Variants in PTPRM observed in about 807,000 individuals in gnomAD.
PTPRM encodes receptor-type tyrosine-protein phosphatase mu.
A neutral mutation model predicts 186.7 loss-of-function variants in PTPRM; 47 were observed. The observed-to-expected ratio is 0.25, with a 90% CI of 0.20 to 0.32. The LOEUF is 0.32. PTPRM is among the 10% of genes least tolerant of loss of function. PTPRM has a pLI of 1.00. For synonymous variants in PTPRM, 668 were observed against 674.9 expected, an observed-to-expected ratio of 0.99 and a Z score of 0.16; for missense variants, 1,494 against 1,865.0, an observed-to-expected ratio of 0.80 and a Z score of 3.66.
chr18:7,934,662 T>C (rs1021702434), intron 5 of PTPRM, among the ~76,000 whole-genome samples: 1 of 152,254 alleles, frequency 6.6e-6, no homozygotes, highest in Non-Finnish European at 1.5e-5. Context: ...CTAGTTACTC[T>C]GGTAGGTGAT....
At chr18:7,697,511 G>A (rs1366451750) in intron 1 of PTPRM, among the ~76,000 whole-genome samples, 3 of 152,282 alleles carry the variant, frequency 2.0e-5, no homozygotes, top group African/African-American at 7.2e-5. Flanking sequence ...CCAGTAGGGC[G>A]ATGAAAGAAC....
At chr18:8,398,519 A>G (rs1192315697) in intron 32 of PTPRM, among the ~76,000 whole-genome samples, 4 of 152,144 alleles carry the variant, frequency 2.6e-5, no homozygotes, top group Non-Finnish European at 4.4e-5. Context: ...TAATCCCAGC[A>G]CTTAGGGAGG....
intron 2 of PTPRM, among the ~76,000 whole-genome samples, chr18:7,824,141 T>C (rs1029666897): frequency 6.6e-5 from 10 of 152,226 alleles, no homozygotes; most frequent in African/African-American, 2.2e-4. Context: ...CCGGGCCTCA[T>C]TGTGGTCTCC....
Position 8,289,159 on chromosome 18 carries a change from A to C in PTPRM, c.2755-7209A>C, listed in dbSNP as rs28638275. ...CTGTGTGATTTCAGGGGAGCCACTC[A>C]ATGTCTTTCATACTAAATTTCCTTA... is the stretch of plus-strand genomic sequence containing the variant. On this transcript the variant is annotated intron_variant, in intron 19 of 32. Transcript: ENST00000580170. Among the ~76,000 whole-genome samples, 1,221 of 152,086 alleles carry C rather than the reference A, an allele frequency of 8.0e-3. 14 individuals are homozygous for C. Among genetic ancestry groups the C allele is most frequent in the African/African-American group, 0.028 (1,155 of 41,474 alleles).
intron 1 of PTPRM, among the ~76,000 whole-genome samples, chr18:7,721,050 C>G (rs755190430): frequency 3.9e-5 from 6 of 151,924 alleles, no homozygotes; most frequent in Non-Finnish European, 8.8e-5. Flanking sequence ...CTTCCATACT[C>G]TTTACCACAG....
intron 7 of PTPRM, among the ~76,000 whole-genome samples, chr18:8,036,006 G>T (rs1195314528): frequency 6.6e-6 from 1 of 152,102 alleles, no homozygotes; most frequent in African/African-American, 2.4e-5. Context: ...AGAATGAGGT[G>T]TCAAAATGGA....
intron 1 of PTPRM, among the ~76,000 whole-genome samples, chr18:7,722,035 CTGTT>C (rs2040455775): frequency 1.3e-5 from 2 of 152,176 alleles, no homozygotes; most frequent in African/African-American, 2.4e-5. Context: ...TTAGGATTCA[CTGTT>C]TGTATTGTAT....
At chr18:8,320,210 A>G (rs1292632514) in intron 22 of PTPRM, among the ~76,000 whole-genome samples, 2 of 152,210 alleles carry the variant, frequency 1.3e-5, no homozygotes, top group African/African-American at 4.8e-5. Context: ...GCATGGGGGC[A>G]GGGTGTACAC....
chr18:8,000,193 G>C (rs1008867743), intron 7 of PTPRM, among the ~76,000 whole-genome samples: 2 of 152,154 alleles, frequency 1.3e-5, no homozygotes, highest in Admixed American at 1.3e-4. Context: ...TTCTTCACCA[G>C]ATGTCTAGGC....
intron 1 of PTPRM, among the ~76,000 whole-genome samples, chr18:7,705,814 C>T (rs2040074915): frequency 1.3e-5 from 2 of 151,640 alleles, no homozygotes; most frequent in Admixed American, 6.6e-5. Flanking sequence ...CTGCCTCAGC[C>T]TCCTGAATAG....
At chr18:7,901,846 A>G (rs2049707190) in intron 3 of PTPRM, among the ~76,000 whole-genome samples, 1 of 152,206 alleles carries the variant, frequency 6.6e-6, no homozygotes, top group South Asian at 2.1e-4. Flanking sequence ...CTACTTTATA[A>G]TTGTGGTATG....
At chr18:8,080,702 G>A (rs1006410627) in intron 9 of PTPRM, among the ~76,000 whole-genome samples, 1 of 152,058 alleles carries the variant, frequency 6.6e-6, no homozygotes, top group East Asian at 1.9e-4. Flanking sequence ...AGAATTTAGG[G>A]GCCATGTTAA....
intron 1 of PTPRM, among the ~76,000 whole-genome samples, chr18:7,651,645 A>G (rs1043223105): frequency 6.6e-6 from 1 of 151,984 alleles, no homozygotes; most frequent in Non-Finnish European, 1.5e-5. Flanking sequence ...AAAACAAGCA[A>G]TGGGGAAAGG....
At chr18:8,398,679 A>C (rs1276462616) in intron 32 of PTPRM, among the ~76,000 whole-genome samples, 1 of 151,946 alleles carries the variant, frequency 6.6e-6, no homozygotes, top group Non-Finnish European at 1.5e-5. Context: ...CTGAGGCAGA[A>C]GAATCACTTG....
intron 2 of PTPRM, among the ~76,000 whole-genome samples, chr18:7,849,889 G>A (rs1205487658): frequency 2.6e-5 from 4 of 152,144 alleles, no homozygotes; most frequent in Admixed American, 2.0e-4. Context: ...TGCTACTTAC[G>A]TTGACATTTA....
intron 2 of PTPRM, among the ~76,000 whole-genome samples, chr18:7,835,939 T>A (rs868545831): frequency 1.3e-5 from 2 of 152,238 alleles, no homozygotes; most frequent in Middle Eastern, 3.4e-3. Context: ...AGTTTCTATG[T>A]GCCTGGAATA....
At chr18:7,775,441 T>G (rs2042533451) in intron 2 of PTPRM, among the ~76,000 whole-genome samples, 1 of 152,190 alleles carries the variant, frequency 6.6e-6, no homozygotes, top group Admixed American at 6.5e-5. Context: ...GCTTCTGTTC[T>G]TGTCAGCGAT....
chr18:7,643,632 G>T (rs989822454), intron 1 of PTPRM, among the ~76,000 whole-genome samples: 4 of 152,114 alleles, frequency 2.6e-5, no homozygotes, highest in African/African-American at 7.2e-5. Context: ...GAGCCACTGT[G>T]CCCAGCCCTC....
intron 1 of PTPRM, among the ~76,000 whole-genome samples, chr18:7,593,597 A>G (rs1319919964): frequency 6.6e-6 from 1 of 152,194 alleles, no homozygotes; most frequent in African/African-American, 2.4e-5. Context: ...CTCTCCATTA[A>G]TGTCAAATTG....
Sources: allele counts gnomAD v4.1 joint callset (sites outside exome capture counted in the v4.1 genomes callset), GRCh38; gene constraint gnomAD v4.1.1; transcripts MANE v1.5; gene names NCBI Gene and HGNC (gene_info 2026-07-23, HGNC 2026-07-21).